Variants in PDXK observed in about 807,000 individuals in gnomAD.
The protein encoded by PDXK is epididymis secretory sperm binding protein Li 1a.
A neutral mutation model predicts 43.2 loss-of-function variants in PDXK; 15 were observed. The observed-to-expected ratio is 0.35, with a 90% CI of 0.23 to 0.53. The LOEUF (loss-of-function observed/expected upper bound fraction) is 0.53. PDXK is among the 20% of genes least tolerant of loss of function. The pLI is 0.92. For missense variants in PDXK, 343 were observed against 417.0 expected, an observed-to-expected ratio of 0.82 and a Z score of 1.54; for synonymous variants, 172 against 165.4, an observed-to-expected ratio of 1.04 and a Z score of -0.31.
chr21:43,750,556 C>T lies in PDXK; in HGVS notation c.510+11C>T, dbSNP rs2083717783. 1.2e-6 allele frequency: 2 copies of T among 1,610,380 alleles called. No individual in the cohort carries two copies. Among genetic ancestry groups the T allele is most frequent in the African/African-American group, 1.3e-5 (1 of 74,992 alleles). On this transcript the variant is annotated intron_variant, in intron 7 of 10. Coordinates refer to ENST00000291565, the MANE Select transcript of PDXK (RefSeq NM_003681.5). ...GAGGAAGCCTTGCGGGTAAGGAGGC[C>T]CTCTGGGGCCTGTGCGGGGCACATG... is the stretch of plus-strand genomic sequence containing the variant.
intron 2 of PDXK, chr21:43,738,028 G>A (rs2083433678): frequency 6.1e-6 from 6 of 985,326 alleles, no homozygotes; most frequent in South Asian, 9.4e-5. Context: ...TCTGAGACCC[G>A]GCCAAGTGCT....
chr21:43,749,777 T>G (rs577165866), intron 6 of PDXK, among the ~76,000 whole-genome samples: 2 of 150,196 alleles, frequency 1.3e-5, no homozygotes, highest in African/African-American at 4.9e-5. Flanking sequence ...AGAGGGAGGG[T>G]GGGGGCAGCA....
intron 1 of PDXK, among the ~76,000 whole-genome samples, chr21:43,724,896 C>T (rs2083238571): frequency 6.6e-6 from 1 of 151,028 alleles, no homozygotes; most frequent in Non-Finnish European, 1.5e-5. Flanking sequence ...TATTTTTAAC[C>T]AGAAAGTTGA....
At chr21:43,745,681 A>C (rs531386178) in intron 4 of PDXK, 1 of 190,418 alleles carries the variant, frequency 5.3e-6, no homozygotes, top group Admixed American at 5.3e-5. Flanking sequence ...ACCTACTTCA[A>C]CTTGGCAGCT....
Position 43,737,697 on chromosome 21 carries a change from G to A in PDXK, c.142+3574G>A, listed in dbSNP as rs1433367393. 1.4e-6 allele frequency: 1 copy of A among 728,970 alleles called. No homozygotes were observed. Among genetic ancestry groups the A allele is most frequent in the East Asian group, 1.1e-4 (1 of 8,756 alleles). 45.2% of individuals were successfully genotyped at this position (728,970 alleles called of 1,614,324 possible). On this transcript the variant is annotated intron_variant, in intron 2 of 10. Coordinates refer to ENST00000291565, the MANE Select transcript of PDXK (RefSeq NM_003681.5). This position sits in a 1 kb window ranked among gnomAD's most constrained non-coding sequence, Gnocchi z 4.8. ...CAGGAGCCTGCCGACGGACACCAGC[G>A]AGGGGCCAGGCCGGGCCAGGAGCCT...
intron 1 of PDXK, among the ~76,000 whole-genome samples, chr21:43,722,888 A>C (rs2083218386): frequency 6.6e-6 from 1 of 152,238 alleles, no homozygotes; most frequent in African/African-American, 2.4e-5. Flanking sequence ...CCCAGGCAGA[A>C]GTGCAGTGGC....
rs1286945983 is a variant in PDXK at position 43,719,167 on chromosome 21, CGCCAGA to C, written c.-120_-115del. 2.6e-6 allele frequency: 1 copy of C among 387,918 alleles called. No individual in the cohort carries two copies. Among genetic ancestry groups the C allele is most frequent in the African/African-American group, 2.2e-5 (1 of 46,420 alleles). The allele number at this position is 387,918 out of a possible 1,614,324, so 24.0% of individuals were successfully genotyped here. A position where few individuals can be genotyped will look rare whatever the true frequency, so the allele number is the denominator to read the frequency against. On this transcript the variant is annotated 5_prime_UTR_variant, in exon 1 of 11. Coordinates refer to ENST00000291565, the MANE Select transcript of PDXK (RefSeq NM_003681.5). ...GTCTGCGCTGATCGGGTCCGCCGCGCGCCAGAGCCAGAGTCGCAGCCGAGGGGAGCC... is the reference window on the plus strand; with the variant it reads ...GTCTGCGCTGATCGGGTCCGCCGCGCGCCAGAGTCGCAGCCGAGGGGAGCC...
rs1225078320 is a variant in PDXK at position 43,737,743 on chromosome 21, G to C, written c.142+3620G>C. 9 of 985,000 alleles carry C rather than the reference G, an allele frequency of 9.1e-6. No homozygotes were observed. The highest frequency in any genetic ancestry group is 1.1e-5 in the Non-Finnish European group (9 of 829,634). 61.0% of individuals were successfully genotyped at this position (985,000 alleles called of 1,614,324 possible). On this transcript the variant is annotated intron_variant, in intron 2 of 10. Transcript: ENST00000291565. This position sits in a 1 kb window ranked among gnomAD's most constrained non-coding sequence, Gnocchi z 4.8. Reference sequence around the variant, plus strand: ...AGCCTGCCGACGGACACCAGCGAGGGGCCAGGCCGGGCCAGACTCCCTGGC... The same window carrying C: ...AGCCTGCCGACGGACACCAGCGAGGCGCCAGGCCGGGCCAGACTCCCTGGC...
chr21:43,751,433 C>T (rs892126848), intron 7 of PDXK, among the ~76,000 whole-genome samples: 5 of 152,196 alleles, frequency 3.3e-5, no homozygotes, highest in African/African-American at 9.7e-5. Flanking sequence ...CCTATAATCC[C>T]GGCTAGTTGG....
Position 43,719,261 on chromosome 21 carries a change from G to T in PDXK, c.-34G>T. 2 of 1,312,538 alleles carry T rather than the reference G, an allele frequency of 1.5e-6. No homozygotes were observed. Among genetic ancestry groups the T allele is most frequent in the Non-Finnish European group, 1.0e-6 (1 of 1,003,902 alleles). 81.3% of individuals were successfully genotyped at this position (1,312,538 alleles called of 1,614,324 possible). On this transcript the variant is annotated 5_prime_UTR_variant, in exon 1 of 11. Coordinates refer to ENST00000291565, the MANE Select transcript of PDXK (RefSeq NM_003681.5). ...AGCGAGCGGCGGAGACCGTGCCCCCGCCTCGGCCCCGCGCCGCCGCGGCCA... is the reference window on the plus strand; with the variant it reads ...AGCGAGCGGCGGAGACCGTGCCCCCTCCTCGGCCCCGCGCCGCCGCGGCCA...
intron 9 of PDXK, 51 bp downstream of exon 9, chr21:43,753,770 G>T: frequency 6.4e-7 from 1 of 1,566,144 alleles, no homozygotes; most frequent in Non-Finnish European, 8.7e-7. Flanking sequence ...GGCACCTCAT[G>T]GGGAGCAGGA....
chr21:43,761,148 C>G lies in PDXK; in HGVS notation c.*5085C>G, dbSNP rs559258751. 6.6e-6 allele frequency: 1 copy of G among 152,314 alleles called. No homozygotes were observed. Among genetic ancestry groups the G allele is most frequent in the East Asian group, 1.9e-4 (1 of 5,174 alleles). The allele number at this position is 152,314 out of a possible 1,614,324, so 9.4% of individuals were successfully genotyped here. A position where few individuals can be genotyped will look rare whatever the true frequency, so the allele number is the denominator to read the frequency against. ...GTCTGAGCCAAGCAGGACCCTGTCC[C>G]AGAGCAAGAGATGTCCCCTTCCATC... On this transcript the variant is annotated 3_prime_UTR_variant, in exon 11 of 11. Transcript: ENST00000291565.
intron 2 of PDXK, chr21:43,738,371 C>G (rs2083439349): frequency 6.6e-6 from 1 of 152,286 alleles, no homozygotes; most frequent in Non-Finnish European, 1.5e-5. Flanking sequence ...GTGCCCAGGA[C>G]AGTAGGAGAA....
chr21:43,747,350 C>G (rs1438852154), intron 5 of PDXK, among the ~76,000 whole-genome samples: 2 of 152,278 alleles, frequency 1.3e-5, no homozygotes, highest in African/African-American at 4.8e-5. Context: ...ATTTCAGTAT[C>G]TGCCTTCTTT....
rs753690486 is a variant in PDXK, at chr21:43,719,266, G to C, written c.-29G>C. ...GCGGCGGAGACCGTGCCCCCGCCTC[G>C]GCCCCGCGCCGCCGCGGCCAGGCCC... On this transcript the variant is annotated 5_prime_UTR_variant, in exon 1 of 11. Coordinates refer to ENST00000291565, the MANE Select transcript of PDXK (RefSeq NM_003681.5). The C allele has an allele frequency of 3.1e-5, 42 of 1,357,464 alleles. No individual in the cohort carries two copies. Among genetic ancestry groups the C allele is most frequent in the Admixed American group, 2.4e-4 (8 of 33,644 alleles). 84.1% of individuals were successfully genotyped at this position (1,357,464 alleles called of 1,614,324 possible).
At chr21:43,733,967 C>T (rs764019067) in intron 1 of PDXK, 102 bp from the exon 2 acceptor site, 69 of 1,184,404 alleles carry the variant, frequency 5.8e-5, no homozygotes, top group Middle Eastern at 1.9e-4. Context: ...CCGTGCCAGC[C>T]GGGACTCATT....
chr21:43,750,730 T>C (rs2083721967), intron 7 of PDXK, among the ~76,000 whole-genome samples, 185 bp downstream of exon 7: 1 of 127,040 alleles, frequency 7.9e-6, no homozygotes, highest in Non-Finnish European at 1.6e-5. Context: ...GACATGTTTG[T>C]GCATGTGTGT....
rs1477329629 is a variant in PDXK, at chr21:43,756,101, T to A, written c.*38T>A. The A allele has an allele frequency of 1.0e-5, 12 of 1,183,366 alleles. No homozygotes were observed. The East Asian group carries it at 3.0e-4, about 29-fold the overall frequency. The allele number at this position is 1,183,366 out of a possible 1,614,324, so 73.3% of individuals were successfully genotyped here. Reference sequence around the variant, plus strand: ...TTGCCCGTGACACGCAGCGCGTTGGTGTCTCCGTGTTTGTCCCTGTGAAAA... The same window carrying A: ...TTGCCCGTGACACGCAGCGCGTTGGAGTCTCCGTGTTTGTCCCTGTGAAAA... On this transcript the variant is annotated 3_prime_UTR_variant, in exon 11 of 11. Coordinates refer to ENST00000291565, the MANE Select transcript of PDXK (RefSeq NM_003681.5).
In PDXK at chr21:43,743,874, C is replaced by A. The variant is rs535312114; in HGVS notation, c.331+67C>A. The stretch of plus-strand genomic sequence containing the variant: ...CACGGGTGGGGCTGGCCTGGGAGCC[C>A]GGGAAGGGACGTCTTAGCCTCCTTC... On this transcript the variant is annotated intron_variant, in intron 4 of 10. Transcript: ENST00000291565. 5.6e-6 allele frequency: 6 copies of A among 1,075,116 alleles called. No individual in the cohort carries two copies. In the African/African-American group the frequency reaches 7.8e-5, roughly 14 times the overall value. The allele number at this position is 1,075,116 out of a possible 1,614,324, so 66.6% of individuals were successfully genotyped here. A position where few individuals can be genotyped will look rare whatever the true frequency, so the allele number is the denominator to read the frequency against.
Sources: gnomAD v4.1 joint callset for allele counts (sites outside exome capture counted in the v4.1 genomes callset) on GRCh38, gnomAD v4.1.1 for gene constraint, Gnocchi (gnomAD v3.1) non-coding constraint, MANE v1.5 for transcripts, NCBI Gene and HGNC (gene_info 2026-07-23, HGNC 2026-07-21) for gene names.